The following CSMD1 variants were observed in gnomAD, a reference collection of about 807,000 sequenced individuals.
The protein encoded by CSMD1 is CUB and sushi domain-containing protein 1.
In CSMD1, 213 loss-of-function variants were observed where a neutral mutation model predicts 417.5. That is an observed-to-expected ratio of 0.51 (90% confidence interval 0.46 to 0.57). The LOEUF (loss-of-function observed/expected upper bound fraction) is 0.57, where lower values mean the gene tolerates loss of function less well. Ranked by LOEUF, CSMD1 falls within the 20% of genes least tolerant of loss-of-function variation. The probability of loss-of-function intolerance (pLI) is 0.00; values close to 1 mark genes in which losing one functional copy is unlikely to be tolerated. For synonymous variants in CSMD1, 2,862 were observed against 1,736.8 expected, an observed-to-expected ratio of 1.65 and a Z score of -16.11; for missense variants, 6,923 against 4,529.7, an observed-to-expected ratio of 1.53 and a Z score of -15.17.
chr8:3,063,950 A>C (rs1318442939), intron 49 of CSMD1, among the ~76,000 whole-genome samples: 1 of 152,204 alleles, frequency 6.6e-6, no homozygotes, highest in Non-Finnish European at 1.5e-5. Flanking sequence ...TGAACTGTAC[A>C]CTTAAAAATG....
chr8:3,643,749 C>T (rs1487119606), intron 7 of CSMD1, among the ~76,000 whole-genome samples: 2 of 150,274 alleles, frequency 1.3e-5, no homozygotes, highest in African/African-American at 2.5e-5. Flanking sequence ...CCTTTTCCAG[C>T]TACTTAATCA....
chr8:4,264,011 G>C (rs1281301678), intron 3 of CSMD1, among the ~76,000 whole-genome samples: 1 of 152,080 alleles, frequency 6.6e-6, no homozygotes, highest in Non-Finnish European at 1.5e-5. Flanking sequence ...AAATCAGATC[G>C]TTCTTATTGA....
At chr8:3,846,109 G>A (rs762903847) in intron 5 of CSMD1, among the ~76,000 whole-genome samples, 2 of 152,072 alleles carry the variant, frequency 1.3e-5, no homozygotes, top group Admixed American at 1.3e-4. Context: ...AAAAAGTATA[G>A]TAATTATATA....
At position 4,005,302 on chromosome 8, in the gene CSMD1, A is replaced by G. The variant is rs558256977; in HGVS notation, c.611-7192T>C. On this transcript the variant is annotated intron_variant, in intron 4 of 69. Transcript: ENST00000635120. ...CTTATAGAAAATAAAATAAAATAAT[A>G]AAAAAAGTTTCAAGCCTACAGACAT... is the stretch of plus-strand genomic sequence containing the variant. Among the ~76,000 whole-genome samples, 7 of 152,284 alleles carry G rather than the reference A, an allele frequency of 4.6e-5. No individual in the cohort carries two copies. The East Asian group carries it at 1.4e-3, about 29-fold the overall frequency.
At chr8:4,521,365 C>G (rs1460778312) in intron 2 of CSMD1, among the ~76,000 whole-genome samples, 1 of 151,726 alleles carries the variant, frequency 6.6e-6, no homozygotes, top group African/African-American at 2.4e-5. Flanking sequence ...TTAAGCAGGG[C>G]TAAAATAGAA....
intron 3 of CSMD1, among the ~76,000 whole-genome samples, chr8:4,200,829 G>C (rs189268448): frequency 1.1e-3 from 172 of 152,244 alleles, no homozygotes; most frequent in Admixed American, 1.8e-3. Context: ...CTGCACTCTC[G>C]CCTGAGTGAC....
intron 54 of CSMD1, among the ~76,000 whole-genome samples, chr8:2,997,377 A>C (rs2128952849): frequency 6.6e-6 from 1 of 152,322 alleles, no homozygotes; most frequent in Middle Eastern, 3.4e-3. Flanking sequence ...AGGATAAGAG[A>C]GGTTCTTGTC....
At chr8:4,684,234 C>T (rs1584942023) in intron 1 of CSMD1, among the ~76,000 whole-genome samples, 1 of 152,272 alleles carries the variant, frequency 6.6e-6, no homozygotes, top group Non-Finnish European at 1.5e-5. Flanking sequence ...CTTCTTTATA[C>T]TTCGGACAAC....
intron 4 of CSMD1, among the ~76,000 whole-genome samples, chr8:4,015,752 G>A (rs775445288): frequency 6.7e-6 from 1 of 149,594 alleles, no homozygotes; most frequent in African/African-American, 2.5e-5. Context: ...GTTTTGACAT[G>A]TTTAGGTGAA....
intron 2 of CSMD1, among the ~76,000 whole-genome samples, chr8:4,621,497 C>T (rs1801777290): frequency 6.6e-6 from 1 of 152,098 alleles, no homozygotes; most frequent in Non-Finnish European, 1.5e-5. Flanking sequence ...CCAAAATTGA[C>T]ACCAGAAGAA....
intron 3 of CSMD1, among the ~76,000 whole-genome samples, chr8:4,279,550 C>A (rs928166336): frequency 6.6e-6 from 1 of 152,102 alleles, no homozygotes; most frequent in African/African-American, 2.4e-5. Flanking sequence ...AGCAATGTAT[C>A]CTCTAATACA....
intron 41 of CSMD1, among the ~76,000 whole-genome samples, chr8:3,136,846 G>A (rs368160424): frequency 6.6e-6 from 1 of 152,088 alleles, no homozygotes; most frequent in East Asian, 1.9e-4. Context: ...ACCAAGACTG[G>A]ACACATGGTA....
intron 3 of CSMD1, among the ~76,000 whole-genome samples, chr8:4,309,903 G>A (rs556167440): frequency 1.2e-4 from 19 of 152,256 alleles, no homozygotes; most frequent in Admixed American, 6.5e-5. Context: ...CTTCAACTAT[G>A]AAATGTGATT....
At position 4,041,038 on chromosome 8, in the gene CSMD1, A is replaced by G. The variant is rs1423481652; in HGVS notation, c.416-8939T>C. ...TTTCCTTTTTTTTTTTTTTTTTGAG[A>G]CGGAGTCTCGCTCTGTCGCCCAGGC... is the stretch of plus-strand genomic sequence containing the variant. On this transcript the variant is annotated intron_variant, in intron 3 of 69. Transcript: ENST00000635120. 7.2e-4 allele frequency among the ~76,000 whole-genome samples: 76 copies of G among 105,886 alleles called. 1 individual carries two copies. Among genetic ancestry groups the G allele is most frequent in the Admixed American group, 1.0e-3 (9 of 8,894 alleles). 69.5% of individuals were successfully genotyped at this position (105,886 alleles called of 152,430 possible).
chr8:3,232,498 C>T (rs938887289), intron 26 of CSMD1, among the ~76,000 whole-genome samples: 1 of 152,118 alleles, frequency 6.6e-6, no homozygotes, highest in African/African-American at 2.4e-5. Context: ...CTTGATGGAT[C>T]TTTGGGTCAT....
chr8:4,360,056 C>G (rs182653585), intron 3 of CSMD1, among the ~76,000 whole-genome samples: 4 of 152,174 alleles, frequency 2.6e-5, no homozygotes, highest in South Asian at 2.1e-4. Flanking sequence ...CAGTTCCTCT[C>G]GTCTCTGACC....
At chr8:3,332,508 G>C (rs1806970687) in intron 23 of CSMD1, among the ~76,000 whole-genome samples, 1 of 152,224 alleles carries the variant, frequency 6.6e-6, no homozygotes, top group East Asian at 1.9e-4. Context: ...CTATGCCTGT[G>C]ACCATTCAGA....
intron 1 of CSMD1, among the ~76,000 whole-genome samples, chr8:4,989,724 G>A (rs1811364233): frequency 6.6e-6 from 1 of 152,148 alleles, no homozygotes; most frequent in South Asian, 2.1e-4. Flanking sequence ...TTAAAATTCA[G>A]CGCAATAGAG....
At chr8:4,439,839 G>C (rs777683097) in intron 2 of CSMD1, among the ~76,000 whole-genome samples, 8 of 152,164 alleles carry the variant, frequency 5.3e-5, no homozygotes, top group Non-Finnish European at 1.2e-4. Context: ...CACTAATACA[G>C]AAGGCAGCTT....
Sources: allele counts gnomAD v4.1 joint callset (sites outside exome capture counted in the v4.1 genomes callset), GRCh38; gene constraint gnomAD v4.1.1; transcripts MANE v1.5; gene names NCBI Gene and HGNC (gene_info 2026-07-23, HGNC 2026-07-21).